The following KIF24 variants were observed in gnomAD, a reference collection of about 807,000 sequenced individuals.
KIF24 encodes kinesin-like protein KIF24.
Under a neutral mutation model 118.9 loss-of-function variants are expected in KIF24, and 81 were observed. The ratio of observed to expected loss-of-function variants is 0.68; its 90% confidence interval spans 0.57 to 0.82. The LOEUF is 0.82. KIF24 is among the 40% of genes least tolerant of loss of function. The pLI is 0.00. For missense variants in KIF24, 1,560 were observed against 1,661.6 expected, an observed-to-expected ratio of 0.94 and a Z score of 1.06; for synonymous variants, 599 against 610.0, an observed-to-expected ratio of 0.98 and a Z score of 0.27.
intron 6 of KIF24, among the ~76,000 whole-genome samples, chr9:34,276,344 G>A (rs1293482385): frequency 6.7e-6 from 1 of 149,964 alleles, no homozygotes; most frequent in African/African-American, 2.5e-5. Context: ...GGAGGTTGCA[G>A]TGAGCTGAGA....
At position 34,255,865 on chromosome 9, in the gene KIF24, T is replaced by G; in HGVS notation, c.3742A>C (p.Ser1248Arg). 1 of 1,614,048 alleles carries G rather than the reference T, an allele frequency of 6.2e-7. No individual in the cohort carries two copies. The highest frequency in any genetic ancestry group is 8.5e-7 in the Non-Finnish European group (1 of 1,179,886). ...GGTTTGAGCCATGTGACATTTTCAC[T>G]GTTGCAGGGCAACTTGATGGGGTCT... ...STDPIKLPCN[S>R]ENVTWLKPRP... The change falls in exon 11 of 13, where the codon AGT (serine) becomes CGT (arginine). Residue 1248 changes from serine (S) to arginine (R), a missense_variant. Transcript: ENST00000402558.
chr9:34,306,206 C>A, intron 3 of KIF24, 46 bp downstream of exon 3: 2 of 1,269,178 alleles, frequency 1.6e-6, no homozygotes, highest in African/African-American at 1.5e-5. Flanking sequence ...AAAAAAATGA[C>A]ATACTTGATA....
intron 5 of KIF24, among the ~76,000 whole-genome samples, chr9:34,289,514 T>C (rs941997517): frequency 2.6e-5 from 4 of 152,132 alleles, no homozygotes; most frequent in Non-Finnish European, 5.9e-5. Flanking sequence ...ACCTCCCCCA[T>C]TCCCTCTAAC....
chr9:34,316,133 C>T (rs1837321374), intron 1 of KIF24, among the ~76,000 whole-genome samples: 1 of 151,634 alleles, frequency 6.6e-6, no homozygotes, highest in African/African-American at 2.4e-5. Flanking sequence ...GGGTGGATCA[C>T]GAGGTCAGGA....
intron 3 of KIF24, among the ~76,000 whole-genome samples, chr9:34,298,007 G>C (rs529383157): frequency 1.3e-5 from 2 of 152,062 alleles, no homozygotes; most frequent in African/African-American, 4.8e-5. Context: ...GATAAAGTAC[G>C]TGTCGATTTC....
chr9:34,305,154 C>A (rs1274421985), intron 3 of KIF24, among the ~76,000 whole-genome samples: 7 of 152,136 alleles, frequency 4.6e-5, no homozygotes, highest in Non-Finnish European at 1.0e-4. Flanking sequence ...TGCAAGGTAC[C>A]TTCAGCTTGG....
chr9:34,317,584 G>T (rs1208177342), intron 1 of KIF24, among the ~76,000 whole-genome samples: 1 of 152,132 alleles, frequency 6.6e-6, no homozygotes, highest in Non-Finnish European at 1.5e-5. Flanking sequence ...ATTCTGAGTA[G>T]CACGATTAAA....
chr9:34,263,028 G>C (rs1191192731), intron 9 of KIF24, 73 bp downstream of exon 9: 2 of 1,178,168 alleles, frequency 1.7e-6, no homozygotes, highest in African/African-American at 1.5e-5. Flanking sequence ...ATGCTCGACT[G>C]AATGAACAAA....
chr9:34,300,929 C>T (rs1039808615), intron 3 of KIF24, among the ~76,000 whole-genome samples: 7 of 150,040 alleles, frequency 4.7e-5, no homozygotes, highest in African/African-American at 1.7e-4. Context: ...TTTATTACAG[C>T]GAGTATATGG....
chr9:34,321,603 CTTT>C (rs1213493493), intron 1 of KIF24, among the ~76,000 whole-genome samples: 3 of 99,210 alleles, frequency 3.0e-5, no homozygotes, highest in African/African-American at 7.2e-5. Flanking sequence ...CATACTTCTT[CTTT>C]TTTTTTTTTT....
upstream of KIF24, among the ~76,000 whole-genome samples, chr9:34,330,194 G>A (rs1034737087): frequency 1.3e-4 from 20 of 152,196 alleles, no homozygotes; most frequent in Non-Finnish European, 2.1e-4. Flanking sequence ...ACGAGGTCAG[G>A]AGATCGAGAC....
chr9:34,328,935 A>G (rs990823891), intron 1 of KIF24, among the ~76,000 whole-genome samples, 171 bp downstream of exon 1: 3 of 152,336 alleles, frequency 2.0e-5, no homozygotes, highest in Admixed American at 2.0e-4. Flanking sequence ...GATGAAAGAT[A>G]GGAAAGTAGG....
intron 9 of KIF24, among the ~76,000 whole-genome samples, chr9:34,260,988 A>ATCAT (rs1835033614): frequency 6.6e-6 from 1 of 152,102 alleles, no homozygotes; most frequent in African/African-American, 2.4e-5. Context: ...AAATAAATAA[A>ATCAT]TAAGTAAAAA....
At chr9:34,269,992 G>A (rs1444370065) in intron 7 of KIF24, among the ~76,000 whole-genome samples, 1 of 151,794 alleles carries the variant, frequency 6.6e-6, no homozygotes, top group South Asian at 2.1e-4. Context: ...GGGAAGCCGA[G>A]GCAGGCAGAT....
At chr9:34,285,309 G>T (rs907262356) in intron 6 of KIF24, among the ~76,000 whole-genome samples, 2 of 152,178 alleles carry the variant, frequency 1.3e-5, no homozygotes, top group Admixed American at 1.3e-4. Context: ...GAACTCATGT[G>T]ATAGTATTAC....
intron 6 of KIF24, among the ~76,000 whole-genome samples, chr9:34,280,163 A>T (rs1383482936): frequency 6.6e-6 from 1 of 150,624 alleles, no homozygotes; most frequent in African/African-American, 2.4e-5. Flanking sequence ...GGGCGCCTGT[A>T]GTCCCAGCTA....
Position 34,329,088 on chromosome 9 carries a change from C to A in KIF24, c.-26+18G>T, listed in dbSNP as rs897012127. Among the ~76,000 whole-genome samples, 4 of 152,250 alleles carry A rather than the reference C, an allele frequency of 2.6e-5. No individual in the cohort carries two copies. The highest frequency in any genetic ancestry group is 5.9e-5 in the Non-Finnish European group (4 of 68,034). ...GGACCAGACCTACCCCTCCTCTATTCTCCCCGCCCTTTCTCACCTCGGTCC... is the reference window on the plus strand; with the variant it reads ...GGACCAGACCTACCCCTCCTCTATTATCCCCGCCCTTTCTCACCTCGGTCC... On this transcript the variant is annotated intron_variant, in intron 1 of 12. Transcript: ENST00000402558.
chr9:34,295,713 G>C (rs1836443305), intron 4 of KIF24, among the ~76,000 whole-genome samples: 1 of 151,626 alleles, frequency 6.6e-6, no homozygotes. Flanking sequence ...ATATTTTTTG[G>C]TGTGTGTGGA....
At position 34,296,998 on chromosome 9, in the gene KIF24, C is replaced by A; in HGVS notation, c.911+19G>T. The A allele has an allele frequency of 1.6e-6, 2 of 1,285,068 alleles. No individual in the cohort carries two copies. Among genetic ancestry groups the A allele is most frequent in the Non-Finnish European group, 2.2e-6 (2 of 921,318 alleles). The allele number at this position is 1,285,068 out of a possible 1,614,324, so 79.6% of individuals were successfully genotyped here. On this transcript the variant is annotated intron_variant, in intron 4 of 12. Transcript: ENST00000402558. The stretch of plus-strand genomic sequence containing the variant: ...AATAGAAAATAAAAAGCAAAAAAAG[C>A]AAATAATCATTATCGTACCCATTGA...
Sources: allele counts gnomAD v4.1 joint callset (sites outside exome capture counted in the v4.1 genomes callset), GRCh38; gene constraint gnomAD v4.1.1; transcripts MANE v1.5; gene names NCBI Gene and HGNC (gene_info 2026-07-23, HGNC 2026-07-21).